Variants in ZNF850 observed in about 807,000 individuals in gnomAD.
ZNF850 encodes the protein putative zinc finger protein ENSP00000330994.
ZNF850 carries 2 observed loss-of-function variants against 11.9 expected under a neutral mutation model. The ratio of observed to expected loss-of-function variants is 0.17; its 90% confidence interval spans 0.07 to 0.53. The LOEUF (loss-of-function observed/expected upper bound fraction) is 0.53, where lower values mean the gene tolerates loss of function less well. Among genes scored for constraint, ZNF850 ranks in the 20% least tolerant of loss-of-function variants. The probability of loss-of-function intolerance (pLI) is 0.94; values close to 1 mark genes in which losing one functional copy is unlikely to be tolerated. For synonymous variants in ZNF850, 381 were observed against 443.0 expected (o/e 0.86, Z 1.76); for missense variants, 1,014 against 1,316.4 (o/e 0.77, Z 3.55).
In ZNF850 at chr19:36,750,348, C is replaced by T; in HGVS notation, c.692G>A (p.Gly231Glu). The T allele has an allele frequency of 3.9e-6, 6 of 1,536,440 alleles. No individual in the cohort carries two copies. Among genetic ancestry groups the T allele is most frequent in the Non-Finnish European group, 5.2e-6 (6 of 1,146,898 alleles). The change falls in exon 5 of 5, where the codon GGA (glycine) becomes GAA (glutamate). Residue 231 changes from glycine to glutamate, a missense_variant. This residue lies in a region of ZNF850 where 835 missense variants were observed against 1,022.0 expected (regional missense o/e 0.82). Transcript: ENST00000591344. ...ATGTGAGCCAGAAATAAAAGCTTTT[C>T]CATATTCTTTACATGCACAGGGCTT... ...GEKPCACKEY[G>E]KAFISGSHLI... is the part of the protein sequence containing the mutation.
rs1423430289 is a variant in ZNF850 at position 36,745,793 on chromosome 19, A to C, written c.*1974T>G. 1 of 152,264 alleles carries C rather than the reference A, an allele frequency of 6.6e-6. No individual in the cohort carries two copies. The highest frequency in any genetic ancestry group is 1.5e-5 in the Non-Finnish European group (1 of 68,108). 9.4% of individuals were successfully genotyped at this position (152,264 alleles called of 1,614,324 possible). On this transcript the variant is annotated 3_prime_UTR_variant, in exon 5 of 5. Transcript: ENST00000591344. ...CATTCTTTATATTCATAAGGTGGGAAGATTGCTTGAAGACAGGAATTCAAG... is the reference window on the plus strand; with the variant it reads ...CATTCTTTATATTCATAAGGTGGGACGATTGCTTGAAGACAGGAATTCAAG...
chr19:36,772,276 A>G (rs1047425177), intron 1 of ZNF850, among the ~76,000 whole-genome samples: 2 of 152,044 alleles, frequency 1.3e-5, no homozygotes, highest in Admixed American at 1.3e-4. Flanking sequence ...TAACTGCCTA[A>G]AGAGTTTTTT....
At position 36,765,826 on chromosome 19, in the gene ZNF850, G is replaced by A. The variant is rs1224971140; in HGVS notation, c.-69-3151C>T. On this transcript the variant is annotated intron_variant, in intron 1 of 4. Coordinates refer to ENST00000591344, the MANE Select transcript of ZNF850 (RefSeq NM_001193552.2). ...ATCAAACTCCTGACCTCAGGTGATC[G>A]GCCCTCCTCGGCCTCCCAAAGTGCT... Among the ~76,000 whole-genome samples the A allele has an allele frequency of 4.6e-5, 7 of 151,388 alleles. No homozygotes were observed. The East Asian group carries it at 9.7e-4, about 21-fold the overall frequency.
At chr19:36,760,095 T>C (rs960734043) in intron 4 of ZNF850, among the ~76,000 whole-genome samples, 1 of 152,232 alleles carries the variant, frequency 6.6e-6, no homozygotes, top group Non-Finnish European at 1.5e-5. Context: ...CTAAGCACCA[T>C]ATTAGAAATC....
At chr19:36,772,698 C>T (rs1018285543) in intron 1 of ZNF850, 27 bp downstream of exon 1, 3 of 152,796 alleles carry the variant, frequency 2.0e-5, no homozygotes, top group African/African-American at 4.8e-5. Context: ...CCTCCACACA[C>T]AAAAGGACCG....
chr19:36,762,027 C>T (rs2040521650), intron 3 of ZNF850, among the ~76,000 whole-genome samples: 1 of 130,740 alleles, frequency 7.6e-6, no homozygotes, highest in Non-Finnish European at 1.6e-5. Context: ...GCCTGGGCGA[C>T]AGAGTGAGAC....
Position 36,750,731 on chromosome 19 carries a change from C to A in ZNF850, c.309G>T (p.Trp103Cys). 6.5e-7 allele frequency: 1 copy of A among 1,536,034 alleles called. No homozygotes were observed. ...GGCTATGACATTTTTCCATTCTCAC[C>A]CACTGAGATGATGTTACTTCATAGA... ...KEIYEVTSSQWVRMEKCHSLV... is the reference protein window; with the variant it reads ...KEIYEVTSSQCVRMEKCHSLV... The change falls in exon 5 of 5, where the codon TGG (tryptophan) becomes TGT (cysteine). Residue 103 changes from tryptophan (W) to cysteine (C), a missense_variant. Around this residue, in one of 2 missense-constraint regions of ZNF850, gnomAD observed 835 missense variants for 1,022.0 expected, o/e 0.82. Coordinates refer to ENST00000591344, the MANE Select transcript of ZNF850 (RefSeq NM_001193552.2).
intron 1 of ZNF850, among the ~76,000 whole-genome samples, chr19:36,768,205 CAAA>C (rs35717572): frequency 3.0e-5 from 4 of 135,434 alleles, no homozygotes; most frequent in Non-Finnish European, 4.9e-5. Flanking sequence ...GACCCTGTCT[CAAA>C]AAAAAAAAAA....
At chr19:36,750,932 G>A (rs987957821) in intron 4 of ZNF850, 128 bp from the exon 5 acceptor site, 19 of 1,017,176 alleles carry the variant, frequency 1.9e-5, no homozygotes, top group Non-Finnish European at 2.6e-5. Flanking sequence ...TGGGCGTGGT[G>A]GCTCATGCCT....
intron 1 of ZNF850, among the ~76,000 whole-genome samples, chr19:36,763,639 T>G (rs2040532459): frequency 6.6e-6 from 1 of 151,704 alleles, no homozygotes; most frequent in African/African-American, 2.4e-5. Context: ...GATAATTAAA[T>G]GTACATTGGC....
intron 4 of ZNF850, among the ~76,000 whole-genome samples, chr19:36,755,906 C>CT (rs5827965): frequency 0.011 from 1,315 of 118,056 alleles, 19 homozygotes; most frequent in African/African-American, 0.018. Context: ...AGTTTTTAGC[C>CT]TTTTTTTTTT....
chr19:36,749,051 A>G lies in ZNF850; in HGVS notation c.1989T>C (p.His663=), dbSNP rs2040433315. The stretch of plus-strand genomic sequence containing the variant: ...GTTTCTCACCAGTGTGAATTCTGTG[A>G]TGTTGGGTGAGTCCTGAGACACTGA... ...AFVSVSGLTQ[H]HRIHTGEKPY... The change falls in exon 5 of 5, where the codon CAT becomes CAC. Residue 663 remains histidine, a synonymous_variant. Coordinates refer to ENST00000591344, the MANE Select transcript of ZNF850 (RefSeq NM_001193552.2). 2 of 1,607,764 alleles carry G rather than the reference A, an allele frequency of 1.2e-6. No individual in the cohort carries two copies. Among genetic ancestry groups the G allele is most frequent in the Non-Finnish European group, 1.7e-6 (2 of 1,178,066 alleles).
intron 1 of ZNF850, among the ~76,000 whole-genome samples, chr19:36,765,467 C>T (rs1454787522): frequency 6.6e-6 from 1 of 151,928 alleles, no homozygotes; most frequent in Non-Finnish European, 1.5e-5. Context: ...GAATAGGGAC[C>T]CTGTCTTTTA....
Position 36,747,731 on chromosome 19 carries a change from C to T in ZNF850, c.*36G>A. 1 of 1,454,896 alleles carries T rather than the reference C, an allele frequency of 6.9e-7. No individual in the cohort carries two copies. Among genetic ancestry groups the T allele is most frequent in the Non-Finnish European group, 9.0e-7 (1 of 1,106,672 alleles). 90.1% of individuals were successfully genotyped at this position (1,454,896 alleles called of 1,614,324 possible). ...CCACATATGGAATCTGCTGATGATC[C>T]ATGACAAATGGCATGAGAACAGTTT... On this transcript the variant is annotated 3_prime_UTR_variant, in exon 5 of 5. Coordinates refer to ENST00000591344, the MANE Select transcript of ZNF850 (RefSeq NM_001193552.2).
At chr19:36,759,283 G>A (rs1021271453) in intron 4 of ZNF850, among the ~76,000 whole-genome samples, 2 of 151,956 alleles carry the variant, frequency 1.3e-5, no homozygotes, top group Non-Finnish European at 2.9e-5. Context: ...AGACCAGCCC[G>A]TGGCACACAG....
rs1684502780 is a variant in ZNF850 at position 36,761,636 on chromosome 19, TACTC to T, written c.235+3_235+6del. On this transcript the variant is annotated splice_donor_5th_base_variant and intron_variant, in intron 4 of 4. Transcript: ENST00000591344. ...GTGTCTTCCCCATGTGCTCAGTCCT[TACTC>T]ACCTCGGCACCATCCTCCCAGCACG... 1 of 1,520,920 alleles carries T rather than the reference TACTC, an allele frequency of 6.6e-7. No individual in the cohort carries two copies. The highest frequency in any genetic ancestry group is 2.0e-5 in the Admixed American group (1 of 51,230). 94.2% of individuals were successfully genotyped at this position (1,520,920 alleles called of 1,614,324 possible). A position where few individuals can be genotyped will look rare whatever the true frequency, so the allele number is the denominator to read the frequency against.
At chr19:36,771,973 G>A (rs901559916) in intron 1 of ZNF850, among the ~76,000 whole-genome samples, 2 of 152,178 alleles carry the variant, frequency 1.3e-5, no homozygotes, top group Non-Finnish European at 2.9e-5. Context: ...CTGGCATTTA[G>A]TTGGTCCCCG....
chr19:36,750,084 G>C lies in ZNF850; in HGVS notation c.956C>G (p.Thr319Ser). 5 of 1,539,004 alleles carry C rather than the reference G, an allele frequency of 3.2e-6. No individual in the cohort carries two copies. The highest frequency in any genetic ancestry group is 4.4e-6 in the Non-Finnish European group (5 of 1,146,992). The change falls in exon 5 of 5, where the codon ACT (threonine) becomes AGT (serine). Residue 319 changes from threonine to serine, a missense_variant. By Grantham distance (58) the Thr-to-Ser change is moderately conservative. Coordinates refer to ENST00000591344, the MANE Select transcript of ZNF850 (RefSeq NM_001193552.2). Reference protein sequence around the residue: ...YHCKQCGKSFTVGSTLIRHQQ... With the variant: ...YHCKQCGKSFSVGSTLIRHQQ... ...GTGTCGAATTAGTGTTGAGCCAACA[G>C]TAAAAGATTTTCCACATTGCTTACA... is the stretch of plus-strand genomic sequence containing the variant.
In ZNF850 at chr19:36,749,764, A is replaced by G. The variant is rs748450211; in HGVS notation, c.1276T>C (p.Cys426Arg). Residue 426 changes from cysteine (C) to arginine (R), a missense_variant, in exon 5 of 5, where the codon TGT becomes CGT. Cys to Arg is a radical substitution (Grantham distance 180). Transcript: ENST00000591344. ...TGEKPYDCKE[C>R]GKSFTAGSTL... Reference sequence around the variant, plus strand: ...GAGCCAGCAGTAAAAGATTTTCCACATTCTTTACAATCATAGGGTTTCTCA... The same window carrying G: ...GAGCCAGCAGTAAAAGATTTTCCACGTTCTTTACAATCATAGGGTTTCTCA... 13 of 1,555,738 alleles carry G rather than the reference A, an allele frequency of 8.4e-6. No individual in the cohort carries two copies. The highest frequency in any genetic ancestry group is 8.2e-5 in the South Asian group (7 of 84,916).
Sources: allele counts gnomAD v4.1 joint callset (sites outside exome capture counted in the v4.1 genomes callset), GRCh38; gene constraint gnomAD v4.1.1; regional missense constraint gnomAD v4.1.1; transcripts MANE v1.5; gene names NCBI Gene and HGNC (gene_info 2026-07-23, HGNC 2026-07-21).